Variants in IL1RAP observed in about 807,000 individuals in gnomAD.
IL1RAP encodes the protein interleukin-1 receptor accessory protein.
A neutral mutation model predicts 60.7 loss-of-function variants in IL1RAP; 35 were observed. That is an observed-to-expected ratio of 0.58 (90% confidence interval 0.44 to 0.76). The LOEUF is 0.76. Among genes scored for constraint, IL1RAP ranks in the 30% least tolerant of loss-of-function variants. The pLI is 0.00. For missense variants in IL1RAP, 572 were observed against 693.9 expected (o/e 0.82, Z 1.97); for synonymous variants, 268 against 250.9 (o/e 1.07, Z -0.64).
intron 9 of IL1RAP, among the ~76,000 whole-genome samples, chr3:190,635,977 A>G (rs1733190414): frequency 6.6e-6 from 1 of 152,108 alleles, no homozygotes; most frequent in African/African-American, 2.4e-5. Flanking sequence ...ATCTGTGAAA[A>G]CCGAGGGAAT....
chr3:190,640,361 C>G (rs564802419), intron 9 of IL1RAP, among the ~76,000 whole-genome samples: 90 of 152,290 alleles, frequency 5.9e-4, no homozygotes, highest in African/African-American at 2.1e-3. Flanking sequence ...ACTAGTTACT[C>G]CTTTAAGAAC....
chr3:190,519,823 G>A (rs1220016531), intron 1 of IL1RAP, among the ~76,000 whole-genome samples: 1 of 152,036 alleles, frequency 6.6e-6, no homozygotes, highest in East Asian at 1.9e-4. Flanking sequence ...TCCCCATTGG[G>A]CACAGGACAG....
rs186860722 is a variant in IL1RAP at position 190,577,662 on chromosome 3, C to T, written c.64+13309C>T. Among the ~76,000 whole-genome samples, 42 of 152,246 alleles carry T rather than the reference C, an allele frequency of 2.8e-4. 1 individual carries two copies. Among genetic ancestry groups the T allele is most frequent in the African/African-American group, 9.9e-4 (41 of 41,528 alleles). ...TCTCTTGCCTCAGCCTTCCAAGTAGCTGGGACTATAGGGGCATGCCACCAG... is the reference window on the plus strand; with the variant it reads ...TCTCTTGCCTCAGCCTTCCAAGTAGTTGGGACTATAGGGGCATGCCACCAG... On this transcript the variant is annotated intron_variant, in intron 3 of 11. Transcript: ENST00000447382.
In IL1RAP at chr3:190,615,332, A is replaced by G. The variant is rs1181419384; in HGVS notation, c.538-4943A>G. The G allele has an allele frequency of 3.9e-6, 5 of 1,274,562 alleles. No individual in the cohort carries two copies. In the Admixed American group the frequency reaches 9.2e-5, roughly 23 times the overall value. The allele number at this position is 1,274,562 out of a possible 1,614,324, so 79.0% of individuals were successfully genotyped here. ...TTGTTTATTCACATAGGAACCTCCA[A>G]ACATATAGAAGTAAAGACACAGGTA... On this transcript the variant is annotated intron_variant, in intron 5 of 11. Transcript: ENST00000447382.
chr3:190,625,353 A>G (rs1560224357), intron 7 of IL1RAP, among the ~76,000 whole-genome samples: 2 of 152,214 alleles, frequency 1.3e-5, no homozygotes. Flanking sequence ...CTGTAACATT[A>G]AATGTTTATC....
intron 9 of IL1RAP, among the ~76,000 whole-genome samples, chr3:190,637,117 G>T (rs1438415679): frequency 6.6e-6 from 1 of 152,060 alleles, no homozygotes; most frequent in Non-Finnish European, 1.5e-5. Flanking sequence ...GGTTTTGCAT[G>T]AATTACAGTG....
intron 1 of IL1RAP, among the ~76,000 whole-genome samples, chr3:190,529,332 T>C (rs1259393841): frequency 6.8e-6 from 1 of 146,622 alleles, no homozygotes; most frequent in East Asian, 1.9e-4. Context: ...AAGTCAGGAG[T>C]TCGAGACCAG....
rs1162338518 is a variant in IL1RAP, at chr3:190,616,272, G to A, written c.538-4003G>A. Among the ~76,000 whole-genome samples the A allele has an allele frequency of 7.9e-5, 12 of 152,146 alleles. No homozygotes were observed. In the East Asian group the frequency reaches 2.3e-3, roughly 29 times the overall value. The stretch of plus-strand genomic sequence containing the variant: ...TTCTCTTTTTTCTGTAGTAAGTAGT[G>A]ACCACTCTTTTCCTGTCTCTTTCTC... On this transcript the variant is annotated intron_variant, in intron 5 of 11. Transcript: ENST00000447382.
rs1560245249 is a variant in IL1RAP at position 190,648,543 on chromosome 3, T to C, written c.1551T>C (p.Ala517=). The C allele has an allele frequency of 1.2e-6, 2 of 1,614,092 alleles. No homozygotes were observed. Among genetic ancestry groups the C allele is most frequent in the Non-Finnish European group, 1.7e-6 (2 of 1,180,002 alleles). The change falls in exon 12 of 12, where the codon GCT becomes GCC. Residue 517 remains alanine, a synonymous_variant. Transcript: ENST00000447382. ...KETKVKELKR[A]KTVLTVIKWK... ...CGAAGGTGAAAGAGCTGAAGAGGGCTAAGACGGTGCTCACGGTCATTAAAT... is the reference window on the plus strand; with the variant it reads ...CGAAGGTGAAAGAGCTGAAGAGGGCCAAGACGGTGCTCACGGTCATTAAAT...
chr3:190,653,482 T>C (rs78650678), downstream of IL1RAP, among the ~76,000 whole-genome samples: 1,782 of 152,298 alleles, frequency 0.012, 33 homozygotes, highest in African/African-American at 0.041. Flanking sequence ...ATTTCCTTTT[T>C]TCTATACTTC....
chr3:190,578,366 A>C (rs1318941672), intron 3 of IL1RAP, among the ~76,000 whole-genome samples: 1 of 152,196 alleles, frequency 6.6e-6, no homozygotes, highest in Non-Finnish European at 1.5e-5. Context: ...TGATAGTTTA[A>C]GCCTTGGCTC....
At position 190,640,418 on chromosome 3, in the gene IL1RAP, C is replaced by A. The variant is rs114222282; in HGVS notation, c.1052-3830C>A. ...ACATGTTTTAACACACTATAATAGC[C>A]AAATCAGTAACATCTGCGAGTTAAT... On this transcript the variant is annotated intron_variant, in intron 9 of 11. Coordinates refer to ENST00000447382, the MANE Select transcript of IL1RAP (RefSeq NM_002182.4). Among the ~76,000 whole-genome samples, 837 of 152,274 alleles carry A rather than the reference C, an allele frequency of 5.5e-3. 5 individuals carry two copies. Among genetic ancestry groups the A allele is most frequent in the African/African-American group, 0.018 (764 of 41,538 alleles).
Position 190,610,747 on chromosome 3 carries a change from T to C in IL1RAP, c.537+1566T>C, listed in dbSNP as rs146302631. 5.8e-3 allele frequency among the ~76,000 whole-genome samples: 877 copies of C among 152,234 alleles called. 8 individuals are homozygous for C. Among genetic ancestry groups the C allele is most frequent in the African/African-American group, 0.019 (802 of 41,548 alleles). On this transcript the variant is annotated intron_variant, in intron 5 of 11. Transcript: ENST00000447382. ...GAAATAAAAAATTCCACAAACACAA[T>C]TTGTTGTAAATTTCAAAAGCTGAAC...
intron 5 of IL1RAP, among the ~76,000 whole-genome samples, chr3:190,611,476 G>A (rs1730819540): frequency 6.6e-6 from 1 of 152,198 alleles, no homozygotes; most frequent in African/African-American, 2.4e-5. Flanking sequence ...ATGTCATGAA[G>A]AGGGACTGTA....
chr3:190,519,895 ATCTT>A (rs1462582065), intron 1 of IL1RAP, among the ~76,000 whole-genome samples: 1 of 152,180 alleles, frequency 6.6e-6, no homozygotes, highest in Non-Finnish European at 1.5e-5. Context: ...TGTGTCAATC[ATCTT>A]TCTATCTAGC....
At chr3:190,538,083 C>T (rs971401705) in intron 1 of IL1RAP, among the ~76,000 whole-genome samples, 1 of 152,132 alleles carries the variant, frequency 6.6e-6, no homozygotes, top group Admixed American at 6.6e-5. Flanking sequence ...CACCTCTGTT[C>T]CTCTTCCTGT....
At chr3:190,579,134 C>T (rs1727763266) in intron 3 of IL1RAP, among the ~76,000 whole-genome samples, 1 of 152,182 alleles carries the variant, frequency 6.6e-6, no homozygotes, top group South Asian at 2.1e-4. Context: ...TTTAAAAGCT[C>T]AGTACTACAG....
At chr3:190,630,943 T>C (rs1277008612) in intron 9 of IL1RAP, among the ~76,000 whole-genome samples, 4 of 152,242 alleles carry the variant, frequency 2.6e-5, no homozygotes, top group Admixed American at 6.5e-5. Context: ...TATATACCTA[T>C]ATATGAAATG....
intron 4 of IL1RAP, among the ~76,000 whole-genome samples, chr3:190,607,840 T>G (rs1730475995): frequency 6.6e-6 from 1 of 152,230 alleles, no homozygotes; most frequent in Admixed American, 6.5e-5. Context: ...CTTCTATTGA[T>G]TTTAATGTTT....
Sources: gnomAD v4.1 joint callset for allele counts (sites outside exome capture counted in the v4.1 genomes callset) on GRCh38, gnomAD v4.1.1 for gene constraint, MANE v1.5 for transcripts, NCBI Gene and HGNC (gene_info 2026-07-23, HGNC 2026-07-21) for gene names.